The following ADAMTSL1 variants were observed in gnomAD, a reference collection of about 807,000 sequenced individuals.
The protein encoded by ADAMTSL1 is ADAMTS-like protein 1.
A neutral mutation model predicts 201.8 loss-of-function variants in ADAMTSL1; 126 were observed. The ratio of observed to expected loss-of-function variants is 0.62; its 90% CI spans 0.54 to 0.72. The LOEUF is 0.72. Ranked by LOEUF, ADAMTSL1 falls within the 30% of genes least tolerant of loss-of-function variation. ADAMTSL1 has a pLI of 0.00. For missense variants in ADAMTSL1, 2,679 were observed against 2,277.8 expected (o/e 1.18, Z -3.59); for synonymous variants, 1,121 against 903.4 (o/e 1.24, Z -4.32).
intron 28 of ADAMTSL1, 108 bp downstream of exon 28, chr9:18,907,020 C>T: frequency 7.7e-7 from 1 of 1,302,594 alleles, no homozygotes; most frequent in Non-Finnish European, 1.1e-6. Flanking sequence ...TCAGCTTCCC[C>T]AGGGATTGTG....
intron 13 of ADAMTSL1, among the ~76,000 whole-genome samples, chr9:18,693,295 T>G (rs997449924): frequency 1.3e-5 from 2 of 152,244 alleles, no homozygotes; most frequent in Admixed American, 6.5e-5. Flanking sequence ...TGAAGTGTGA[T>G]AGACACAGAA....
At chr9:18,552,002 C>G (rs1423244628) in intron 3 of ADAMTSL1, among the ~76,000 whole-genome samples, 1 of 151,740 alleles carries the variant, frequency 6.6e-6, no homozygotes, top group Non-Finnish European at 1.5e-5. Context: ...AGAAGAAATT[C>G]AAACTTCATC....
chr9:18,756,106 T>A (rs1819742216), intron 16 of ADAMTSL1, among the ~76,000 whole-genome samples: 1 of 66,040 alleles, frequency 1.5e-5, no homozygotes, highest in African/African-American at 8.5e-5. Flanking sequence ...TATATATATA[T>A]ATATATATAT....
intron 1 of ADAMTSL1, among the ~76,000 whole-genome samples, chr9:17,982,746 A>T (rs930110718): frequency 4.6e-5 from 7 of 152,156 alleles, no homozygotes; most frequent in Non-Finnish European, 1.0e-4. Flanking sequence ...AGAATAAAAT[A>T]TTAAAGGGAA....
intron 4 of ADAMTSL1, among the ~76,000 whole-genome samples, chr9:18,586,826 A>G (rs1035130244): frequency 3.3e-5 from 5 of 152,172 alleles, no homozygotes; most frequent in African/African-American, 1.2e-4. Flanking sequence ...GACAAAGATG[A>G]CAAACACAAC....
intron 7 of ADAMTSL1, among the ~76,000 whole-genome samples, chr9:18,639,739 T>C (rs905140534): frequency 3.3e-5 from 5 of 152,140 alleles, no homozygotes; most frequent in Non-Finnish European, 7.4e-5. Context: ...AGTCATTGAC[T>C]TATATAGGCT....
intron 15 of ADAMTSL1, among the ~76,000 whole-genome samples, chr9:18,749,612 CCT>C (rs1819345559): frequency 6.6e-6 from 1 of 152,166 alleles, no homozygotes; most frequent in Non-Finnish European, 1.5e-5. Flanking sequence ...GCCTGCATTT[CCT>C]CTCTCAGAAA....
rs372669326 is a variant in ADAMTSL1 at position 18,054,605 on chromosome 9, G to C, written c.88-109257G>C. Among the ~76,000 whole-genome samples, 4 of 152,138 alleles carry C rather than the reference G, an allele frequency of 2.6e-5. No homozygotes were observed. The South Asian group carries it at 8.3e-4, about 31-fold the overall frequency. The stretch of plus-strand genomic sequence containing the variant: ...CATTGAATTATTCCATCCACCATCG[G>C]GGGGCTAGTGACGGTGTTATAACCA... On this transcript the variant is annotated intron_variant, in intron 1 of 29. Transcript: ENST00000680146.
rs554521718 is a variant in ADAMTSL1 at position 18,096,599 on chromosome 9, A to G, written c.88-67263A>G. Among the ~76,000 whole-genome samples, 10 of 152,352 alleles carry G rather than the reference A, an allele frequency of 6.6e-5. No individual in the cohort carries two copies. The South Asian group carries it at 1.9e-3, about 28-fold the overall frequency. On this transcript the variant is annotated intron_variant, in intron 1 of 29. Transcript: ENST00000680146. The stretch of plus-strand genomic sequence containing the variant: ...CTGTCACATTCTTCAGAATGGACTC[A>G]TAGGAGCAATAGTTCCTAATGCTTT...
intron 1 of ADAMTSL1, among the ~76,000 whole-genome samples, chr9:18,020,973 G>A (rs1820457335): frequency 1.3e-5 from 2 of 152,068 alleles, no homozygotes. Context: ...AGTCATCTGG[G>A]CGTGATAGCC....
chr9:18,213,711 A>G (rs771094448), intron 2 of ADAMTSL1, among the ~76,000 whole-genome samples: 9 of 152,276 alleles, frequency 5.9e-5, no homozygotes, highest in Non-Finnish European at 1.0e-4. Flanking sequence ...GTTGTACCTG[A>G]GAGATCTGAG....
chr9:17,989,190 G>A (rs2131493140), intron 1 of ADAMTSL1, among the ~76,000 whole-genome samples: 1 of 151,828 alleles, frequency 6.6e-6, no homozygotes, highest in South Asian at 2.1e-4. Flanking sequence ...CCACCTCTAA[G>A]CTCATCTACC....
chr9:18,627,056 T>G (rs989784436), intron 5 of ADAMTSL1, among the ~76,000 whole-genome samples: 2 of 151,888 alleles, frequency 1.3e-5, no homozygotes, highest in African/African-American at 4.8e-5. Context: ...GCTCAGCTCA[T>G]TGCAGCCTTG....
At chr9:18,782,439 T>A (rs576876038) in intron 19 of ADAMTSL1, among the ~76,000 whole-genome samples, 1 of 152,350 alleles carries the variant, frequency 6.6e-6, no homozygotes, top group South Asian at 2.1e-4. Context: ...CGCTCATCAT[T>A]GTCTATCCTT....
At chr9:18,140,787 T>A (rs1055721772) in intron 1 of ADAMTSL1, among the ~76,000 whole-genome samples, 2 of 152,154 alleles carry the variant, frequency 1.3e-5, no homozygotes, top group African/African-American at 4.8e-5. Context: ...TGGCCTGGTA[T>A]GTTAACTGTT....
chr9:18,777,297 A>G lies in ADAMTSL1; in HGVS notation c.3068A>G (p.Asp1023Gly). 6.2e-7 allele frequency: 1 copy of G among 1,605,530 alleles called. No homozygotes were observed. Among genetic ancestry groups the G allele is most frequent in the Admixed American group, 1.7e-5 (1 of 59,168 alleles). ...LAANPGSRYDDLVSRLLEQGG... is the reference protein window; with the variant it reads ...LAANPGSRYDGLVSRLLEQGG... ...GCCAACCCGGGGAGCCGCTACGACG[A>G]CCTCGTCTCCCGGCTGCTGGAGCAG... Residue 1023 changes from aspartate (D) to glycine (G), a missense_variant, in exon 19 of 29, where the codon GAC (aspartate) becomes GGC (glycine). Transcript: ENST00000380548.
At chr9:18,750,137 G>A (rs1819383263) in intron 15 of ADAMTSL1, among the ~76,000 whole-genome samples, 1 of 152,182 alleles carries the variant, frequency 6.6e-6, no homozygotes, top group Non-Finnish European at 1.5e-5. Context: ...TCCCTTGAGT[G>A]GAAAGAAAAC....
At chr9:18,750,618 G>A (rs1452500633) in intron 15 of ADAMTSL1, among the ~76,000 whole-genome samples, 1 of 152,160 alleles carries the variant, frequency 6.6e-6, no homozygotes, top group Non-Finnish European at 1.5e-5. Flanking sequence ...TGCAAATTGG[G>A]GAGAGGTATA....
intron 2 of ADAMTSL1, among the ~76,000 whole-genome samples, chr9:18,286,540 G>A (rs1216490855): frequency 6.6e-6 from 1 of 152,100 alleles, no homozygotes; most frequent in Non-Finnish European, 1.5e-5. Flanking sequence ...GATAATGATA[G>A]TAGATACTTT....
Sources: gnomAD v4.1 joint callset for allele counts (sites outside exome capture counted in the v4.1 genomes callset) on GRCh38, gnomAD v4.1.1 for gene constraint, MANE v1.5 for transcripts, NCBI Gene and HGNC (gene_info 2026-07-23, HGNC 2026-07-21) for gene names.